Variants in MYO9A observed in about 807,000 individuals in gnomAD.
MYO9A encodes the protein myosin IXA.
Under a neutral mutation model 293.3 loss-of-function variants are expected in MYO9A, and 103 were observed. The ratio of observed to expected loss-of-function variants is 0.35; its 90% CI spans 0.30 to 0.41. The LOEUF is 0.41. MYO9A is among the 10% of genes least tolerant of loss of function. MYO9A has a pLI of 1.00. For missense variants in MYO9A, 2,685 were observed against 3,033.0 expected, an observed-to-expected ratio of 0.89 and a Z score of 2.69; for synonymous variants, 1,001 against 1,035.7, an observed-to-expected ratio of 0.97 and a Z score of 0.64.
chr15:71,894,620 T>G (rs540562770), intron 25 of MYO9A, among the ~76,000 whole-genome samples: 1 of 152,094 alleles, frequency 6.6e-6, no homozygotes, highest in Non-Finnish European at 1.5e-5. Context: ...TGATGTTGAA[T>G]AGCCTAAAAT....
intron 10 of MYO9A, among the ~76,000 whole-genome samples, chr15:71,992,463 A>C (rs2076569008): frequency 6.6e-6 from 1 of 152,232 alleles, no homozygotes. Flanking sequence ...CTTTTTTAAA[A>C]GCCTGTACTA....
chr15:72,088,171 GTTT>G (rs1379629263), intron 1 of MYO9A, among the ~76,000 whole-genome samples: 2 of 152,118 alleles, frequency 1.3e-5, no homozygotes, highest in Non-Finnish European at 2.9e-5. Flanking sequence ...ATAAATTTTT[GTTT>G]TTTAAGCCAC....
chr15:71,935,309 A>G, intron 17 of MYO9A, 32 bp downstream of exon 17: 4 of 1,525,864 alleles, frequency 2.6e-6, no homozygotes, highest in Non-Finnish European at 3.5e-6. Flanking sequence ...ACAAAAAACA[A>G]AAAACAATTT....
intron 6 of MYO9A, among the ~76,000 whole-genome samples, chr15:72,016,057 A>G (rs1374033849): frequency 2.6e-5 from 4 of 152,116 alleles, no homozygotes; most frequent in Non-Finnish European, 4.4e-5. Flanking sequence ...CATTCTCCAT[A>G]TTTTATAACT....
At chr15:71,838,686 A>C (rs1188966550) in intron 39 of MYO9A, among the ~76,000 whole-genome samples, 2 of 152,194 alleles carry the variant, frequency 1.3e-5, no homozygotes, top group Non-Finnish European at 2.9e-5. Flanking sequence ...AATCCTTTAT[A>C]GCACATTAAC....
chr15:71,883,774 G>C, intron 27 of MYO9A, 38 bp from the exon 28 acceptor site: 1 of 1,549,454 alleles, frequency 6.5e-7, no homozygotes, highest in South Asian at 1.2e-5. Flanking sequence ...GAAATTAAGA[G>C]TATCTCAGTG....
At chr15:72,070,128 C>CA (rs936332297) in intron 1 of MYO9A, among the ~76,000 whole-genome samples, 1,365 of 48,694 alleles carry the variant, frequency 0.028, 15 homozygotes, top group Middle Eastern at 0.09. Context: ...GACTATGTCT[C>CA]AAAAAAAAAA....
At chr15:72,104,859 AAAGTT>A (rs1270097462) in intron 1 of MYO9A, among the ~76,000 whole-genome samples, 1 of 152,260 alleles carries the variant, frequency 6.6e-6, no homozygotes, top group Non-Finnish European at 1.5e-5. Flanking sequence ...AAGAAAGGTT[AAAGTT>A]AAGGGGAAAT....
At chr15:71,935,207 C>T in intron 17 of MYO9A, 134 bp downstream of exon 17, 1 of 964,642 alleles carries the variant, frequency 1.0e-6, no homozygotes, top group Non-Finnish European at 1.5e-6. Context: ...AACTTTGAGT[C>T]TTGTTTCAGT....
intron 15 of MYO9A, among the ~76,000 whole-genome samples, chr15:71,944,883 C>T (rs2058872720): frequency 6.6e-6 from 1 of 152,122 alleles, no homozygotes; most frequent in Non-Finnish European, 1.5e-5. Flanking sequence ...TGCTATTATA[C>T]TTATTGGGTT....
chr15:72,084,328 C>T (rs79465199), intron 1 of MYO9A, among the ~76,000 whole-genome samples: 6,727 of 151,828 alleles, frequency 0.044, 261 homozygotes, highest in East Asian at 0.18. Flanking sequence ...TTTTTGTTTT[C>T]CATTTATTTG....
At chr15:72,029,148 G>A (rs1464248549) in intron 3 of MYO9A, among the ~76,000 whole-genome samples, 1 of 152,176 alleles carries the variant, frequency 6.6e-6, no homozygotes, top group African/African-American at 2.4e-5. Context: ...AAGAGTGACT[G>A]GGTAAATGAA....
At chr15:72,100,212 T>C (rs2080226842) in intron 1 of MYO9A, among the ~76,000 whole-genome samples, 1 of 151,186 alleles carries the variant, frequency 6.6e-6, no homozygotes. Context: ...GTGAAACCTG[T>C]CTCTACAAAA....
Position 71,852,140 on chromosome 15 carries a change from C to T in MYO9A, c.6467G>A (p.Arg2156Gln), listed in dbSNP as rs764515575. 1.1e-5 allele frequency: 18 copies of T among 1,611,250 alleles called. No individual in the cohort carries two copies. Among genetic ancestry groups the T allele is most frequent in the Admixed American group, 5.0e-5 (3 of 59,908 alleles). Residue 2156 changes from arginine to glutamine, a missense_variant, in exon 36 of 42, where the codon CGA becomes CAA. This residue lies in a region of MYO9A where 238 missense variants were observed against 269.1 expected (regional missense o/e 0.88). Transcript: ENST00000356056. The part of the protein sequence containing the change: ...MTFELYEEFL[R>Q]AMGLQERKET... ...AGGAAGCCTATGCTTACCCATAGCT[C>T]GAAGAAATTCCTCATAGAGTTCAAA...
rs368253271 is a variant in MYO9A, at chr15:71,933,716, A to C, written c.2523-7T>G. 1.3e-6 allele frequency: 2 copies of C among 1,596,826 alleles called. No homozygotes were observed. Among genetic ancestry groups the C allele is most frequent in the African/African-American group, 2.7e-5 (2 of 73,548 alleles). Reference sequence around the variant, plus strand: ...TTTGAAATTTTTGTTTCTCCTATAGAGATAAATCATTCATTAAAAAAAGCT... The same window carrying C: ...TTTGAAATTTTTGTTTCTCCTATAGCGATAAATCATTCATTAAAAAAAGCT... On this transcript the variant is annotated splice_region_variant and splice_polypyrimidine_tract_variant and intron_variant, in intron 17 of 41. Transcript: ENST00000356056.
intron 7 of MYO9A, 34 bp downstream of exon 7, chr15:72,010,316 A>C (rs1339019322): frequency 1.9e-6 from 3 of 1,555,286 alleles, no homozygotes; most frequent in Non-Finnish European, 2.7e-6. Flanking sequence ...TGTGTTCTCT[A>C]TTAGAGATAT....
intron 39 of MYO9A, among the ~76,000 whole-genome samples, chr15:71,839,552 G>C (rs1260601922): frequency 6.6e-6 from 1 of 152,110 alleles, no homozygotes; most frequent in Non-Finnish European, 1.5e-5. Flanking sequence ...CGGACTATAG[G>C]CATGTACCAC....
chr15:71,996,030 A>G (rs892761396), intron 9 of MYO9A, among the ~76,000 whole-genome samples: 2 of 152,200 alleles, frequency 1.3e-5, no homozygotes, highest in South Asian at 2.1e-4. Flanking sequence ...GAGTTTTAGA[A>G]TATTTTTAAT....
At position 71,899,900 on chromosome 15, in the gene MYO9A, C is replaced by T. The variant is rs75986913; in HGVS notation, c.3257G>A (p.Arg1086His). ...GTACCGCTGCCTCTCTAAGTGAGCA[C>T]GCCAGGAAGCTTGGAGAAGAGCAGC... ...SAAALLQASW[R>H]AHLERQRYLE... The change falls in exon 24 of 42, where the codon CGT becomes CAT. Residue 1086 changes from arginine (R) to histidine (H), a missense_variant. By Grantham distance (29) the Arg-to-His change is conservative. Around this residue, in one of 10 missense-constraint regions of MYO9A, gnomAD observed 1,434 missense variants for 1,497.7 expected, o/e 0.96. Coordinates refer to ENST00000356056, the MANE Select transcript of MYO9A (RefSeq NM_006901.4). 517 of 1,614,020 alleles carry T rather than the reference C, an allele frequency of 3.2e-4. No homozygotes were observed. The African/African-American group carries it at 4.8e-3, about 15-fold the overall frequency.
Sources: allele counts gnomAD v4.1 joint callset (sites outside exome capture counted in the v4.1 genomes callset), GRCh38; gene constraint gnomAD v4.1.1; regional missense constraint gnomAD v4.1.1; transcripts MANE v1.5; gene names NCBI Gene and HGNC (gene_info 2026-07-23, HGNC 2026-07-21).